Variants in EIPR1 observed in about 807,000 individuals in gnomAD.
EIPR1 encodes the protein EARP complex and GARP complex interacting protein 1, also known as EARP and GARP complex-interacting protein 1.
Under a neutral mutation model 48.1 loss-of-function variants are expected in EIPR1, and 25 were observed. That is an observed-to-expected ratio of 0.52 (90% CI 0.38 to 0.73). The LOEUF (loss-of-function observed/expected upper bound fraction) is 0.73, where lower values mean the gene tolerates loss of function less well. Among genes scored for constraint, EIPR1 ranks in the 30% least tolerant of loss-of-function variants. EIPR1 has a pLI of 0.00. For synonymous variants in EIPR1, 204 were observed against 201.9 expected, an observed-to-expected ratio of 1.01 and a Z score of -0.09; for missense variants, 415 against 506.2, an observed-to-expected ratio of 0.82 and a Z score of 1.73.
chr2:3,342,782 G>A (rs1254316249), intron 2 of EIPR1, among the ~76,000 whole-genome samples: 1 of 152,340 alleles, frequency 6.6e-6, no homozygotes, highest in East Asian at 1.9e-4. Context: ...CACTGCAATA[G>A]AAATGGTCTT....
At chr2:3,271,475 G>A (rs1185931871) in intron 3 of EIPR1, among the ~76,000 whole-genome samples, 1 of 152,184 alleles carries the variant, frequency 6.6e-6, no homozygotes, top group Non-Finnish European at 1.5e-5. Flanking sequence ...TGATCCATAG[G>A]CTGCAAAATG....
chr2:3,210,049 G>A (rs1024132694), intron 5 of EIPR1, among the ~76,000 whole-genome samples: 7 of 152,106 alleles, frequency 4.6e-5, no homozygotes, highest in Non-Finnish European at 8.8e-5. Context: ...TGATGTGCCC[G>A]TATGGGTTAA....
chr2:3,328,555 T>C (rs79168522), intron 3 of EIPR1, among the ~76,000 whole-genome samples: 38 of 88,230 alleles, frequency 4.3e-4, no homozygotes, highest in African/African-American at 8.1e-4. Context: ...GATCTCAGGG[T>C]GCCAGCCTGG....
chr2:3,274,524 A>C, intron 3 of EIPR1: 1 of 1,365,166 alleles, frequency 7.3e-7, no homozygotes, highest in Non-Finnish European at 9.5e-7. Context: ...GTATAAATAA[A>C]ATATTTTTAA....
At chr2:3,247,919 ATTC>A (rs1212687114) in intron 4 of EIPR1, among the ~76,000 whole-genome samples, 1 of 152,100 alleles carries the variant, frequency 6.6e-6, no homozygotes, top group Admixed American at 6.5e-5. Flanking sequence ...AATTTTATTA[ATTC>A]TTCTTATTTA....
intron 4 of EIPR1, among the ~76,000 whole-genome samples, chr2:3,225,553 G>C (rs2103156682): frequency 6.6e-6 from 1 of 152,268 alleles, no homozygotes; most frequent in East Asian, 1.9e-4. Flanking sequence ...GCCGCAATGT[G>C]ATGTTTTGAT....
chr2:3,368,311 G>A (rs1405975340), intron 1 of EIPR1, among the ~76,000 whole-genome samples: 1 of 151,218 alleles, frequency 6.6e-6, no homozygotes, highest in Non-Finnish European at 1.5e-5. Flanking sequence ...TGGTTTTGGT[G>A]GTAAACCGAA....
At chr2:3,337,325 G>A (rs1670097780) in intron 3 of EIPR1, among the ~76,000 whole-genome samples, 1 of 152,210 alleles carries the variant, frequency 6.6e-6, no homozygotes, top group South Asian at 2.1e-4. Context: ...AAGTCATTCA[G>A]CCTGTGGGAC....
In EIPR1 at chr2:3,344,546, A is replaced by G. The variant is rs552067076; in HGVS notation, c.127-6397T>C. 2.0e-4 allele frequency among the ~76,000 whole-genome samples: 30 copies of G among 150,752 alleles called. 1 individual carries two copies. In the South Asian group the frequency reaches 6.3e-3, roughly 32 times the overall value. On this transcript the variant is annotated intron_variant, in intron 2 of 8. Transcript: ENST00000382125. ...CTAACCCTTTCTGGGCTCTTTGTAT[A>G]TCTGGGCCCCTCTCAGCATTTGTAC... is the stretch of plus-strand genomic sequence containing the variant.
At chr2:3,194,272 G>C (rs914744376) in intron 6 of EIPR1, 106 bp from the exon 7 acceptor site, 2 of 1,413,448 alleles carry the variant, frequency 1.4e-6, no homozygotes, top group African/African-American at 1.4e-5. Flanking sequence ...CTAATCCCCC[G>C]GCCCAGGGTG....
intron 4 of EIPR1, among the ~76,000 whole-genome samples, chr2:3,246,857 A>AGGG (rs1666823270): frequency 6.5e-5 from 1 of 15,458 alleles, no homozygotes; most frequent in Non-Finnish European, 1.2e-4. Flanking sequence ...GGGAAGGAGG[A>AGGG]AGGGAGGGAA....
At chr2:3,346,571 C>T (rs11127415) in intron 2 of EIPR1, among the ~76,000 whole-genome samples, 9 of 151,942 alleles carry the variant, frequency 5.9e-5, no homozygotes, top group Admixed American at 2.0e-4. Flanking sequence ...TGTCAGGGAT[C>T]GCAAGGTGTC....
At chr2:3,248,879 A>G (rs1666922345) in intron 4 of EIPR1, among the ~76,000 whole-genome samples, 1 of 152,194 alleles carries the variant, frequency 6.6e-6, no homozygotes, top group Admixed American at 6.5e-5. Context: ...ACCTTCCACA[A>G]TGATTGTAAG....
At chr2:3,206,859 A>G (rs1665253921) in intron 5 of EIPR1, among the ~76,000 whole-genome samples, 1 of 152,170 alleles carries the variant, frequency 6.6e-6, no homozygotes, top group African/African-American at 2.4e-5. Flanking sequence ...GGGAGAGGGA[A>G]AAAGATCTTT....
rs937908387 is a variant in EIPR1, at chr2:3,286,429, G to C, written c.260-28974C>G. ...TGGGCCCAGAAGGAGCAGTGCCAAGGACCCCCGGGGGTGGGGCCATCCTAC... is the reference window on the plus strand; with the variant it reads ...TGGGCCCAGAAGGAGCAGTGCCAAGCACCCCCGGGGGTGGGGCCATCCTAC... On this transcript the variant is annotated intron_variant, in intron 3 of 8. Transcript: ENST00000382125. The surrounding 1 kb of genome is among the most constrained non-coding windows in gnomAD (Gnocchi z 4.2). Among the ~76,000 whole-genome samples, 4 of 152,110 alleles carry C rather than the reference G, an allele frequency of 2.6e-5. No homozygotes were observed. Among genetic ancestry groups the C allele is most frequent in the African/African-American group, 9.7e-5 (4 of 41,436 alleles).
intron 3 of EIPR1, among the ~76,000 whole-genome samples, chr2:3,330,075 T>C (rs891342904): frequency 3.9e-5 from 6 of 152,202 alleles, no homozygotes; most frequent in African/African-American, 1.2e-4. Context: ...GGGTCAGAGG[T>C]CCTTAGATAT....
At chr2:3,369,146 A>G (rs1671045908) in intron 1 of EIPR1, among the ~76,000 whole-genome samples, 1 of 152,250 alleles carries the variant, frequency 6.6e-6, no homozygotes, top group Non-Finnish European at 1.5e-5. Context: ...AGCAAAAGTC[A>G]GCTACTTCTT....
intron 3 of EIPR1, among the ~76,000 whole-genome samples, chr2:3,277,889 G>A (rs908460477): frequency 6.6e-6 from 1 of 152,174 alleles, no homozygotes; most frequent in South Asian, 2.1e-4. Context: ...GCCCTTGGAC[G>A]GCACTAACCA....
At chr2:3,208,319 G>A (rs896139086) in intron 5 of EIPR1, 1 of 702,624 alleles carries the variant, frequency 1.4e-6, no homozygotes, top group African/African-American at 1.8e-5. Context: ...GGAGAGGTCT[G>A]GGCAGGCAGG....
Sources: gnomAD v4.1 joint callset for allele counts (sites outside exome capture counted in the v4.1 genomes callset) on GRCh38, gnomAD v4.1.1 for gene constraint, Gnocchi (gnomAD v3.1) non-coding constraint, MANE v1.5 for transcripts, NCBI Gene and HGNC (gene_info 2026-07-23, HGNC 2026-07-21) for gene names.